The following SH3D19 variants were observed in gnomAD, a reference collection of about 807,000 sequenced individuals.
SH3D19 encodes SH3 domain containing 19, also known as SH3 domain-containing protein 19.
SH3D19 carries 58 observed loss-of-function variants against 112.1 expected under a neutral mutation model. The ratio of observed to expected loss-of-function variants is 0.52; its 90% CI spans 0.42 to 0.64. The LOEUF is 0.64. Among genes scored for constraint, SH3D19 ranks in the 30% least tolerant of loss-of-function variants. The probability of loss-of-function intolerance (pLI) is 0.00; values close to 1 mark genes in which losing one functional copy is unlikely to be tolerated. For missense variants in SH3D19, 1,090 were observed against 1,263.4 expected, an observed-to-expected ratio of 0.86 and a Z score of 2.08; for synonymous variants, 391 against 448.5, an observed-to-expected ratio of 0.87 and a Z score of 1.62.
intron 7 of SH3D19, among the ~76,000 whole-genome samples, chr4:151,167,176 C>A (rs909598431): frequency 1.7e-4 from 25 of 150,406 alleles, no homozygotes; most frequent in East Asian, 7.8e-4. Flanking sequence ...TCATCAAACT[C>A]AAAAAAAAAC....
At chr4:151,297,164 A>T (rs1775769081) in intron 1 of SH3D19, among the ~76,000 whole-genome samples, 1 of 152,242 alleles carries the variant, frequency 6.6e-6, no homozygotes, top group Admixed American at 6.5e-5. Context: ...TCGGCTATTA[A>T]TAATTGAGAA....
At chr4:151,286,302 CA>C (rs879791941) in intron 1 of SH3D19, among the ~76,000 whole-genome samples, 2 of 134,996 alleles carry the variant, frequency 1.5e-5, no homozygotes, top group African/African-American at 2.8e-5. Context: ...TAAACAAAAG[CA>C]AAAGTTGGTT....
chr4:151,262,812 G>A (rs150514362), intron 1 of SH3D19: 1 of 152,174 alleles, frequency 6.6e-6, no homozygotes, highest in African/African-American at 2.4e-5. Flanking sequence ...CAGTGGGCCT[G>A]GAATATACAC....
intron 1 of SH3D19, among the ~76,000 whole-genome samples, chr4:151,237,477 C>T (rs1243233475): frequency 6.6e-6 from 1 of 152,100 alleles, no homozygotes; most frequent in African/African-American, 2.4e-5. Context: ...ATAAATATTT[C>T]AGTATGACAA....
At chr4:151,286,184 GAAAAAA>G (rs56850648) in intron 1 of SH3D19, among the ~76,000 whole-genome samples, 1 of 86,628 alleles carries the variant, frequency 1.2e-5, no homozygotes, top group Non-Finnish European at 2.0e-5. Flanking sequence ...CTGTCTTAAA[GAAAAAA>G]AAAAAAAAAA....
intron 17 of SH3D19, among the ~76,000 whole-genome samples, chr4:151,130,727 G>A (rs1750478492): frequency 1.3e-5 from 2 of 152,056 alleles, no homozygotes; most frequent in Admixed American, 1.3e-4. Flanking sequence ...GGATCACGAG[G>A]TCAGGAGTTC....
At chr4:151,298,345 T>C (rs556643680) in intron 1 of SH3D19, among the ~76,000 whole-genome samples, 1 of 152,066 alleles carries the variant, frequency 6.6e-6, no homozygotes, top group East Asian at 1.9e-4. Flanking sequence ...GCCCAGCTAA[T>C]TTTTGTATTT....
In SH3D19 at chr4:151,317,727, A is replaced by G. The variant is rs369058640; in HGVS notation, c.112+7514T>C. ...AGTGGCTCACACCTATAATCCCAGC[A>G]CTATGGGAAGCCGAGGCAGGCACAT... On this transcript the variant is annotated intron_variant, in intron 1 of 19. Transcript: ENST00000604030. Among the ~76,000 whole-genome samples the G allele has an allele frequency of 1.6e-4, 24 of 152,352 alleles. No individual in the cohort carries two copies. In the South Asian group the frequency reaches 2.9e-3, roughly 18 times the overall value.
At chr4:151,224,032 G>A (rs1213303753) in intron 2 of SH3D19, among the ~76,000 whole-genome samples, 3 of 152,092 alleles carry the variant, frequency 2.0e-5, no homozygotes, top group South Asian at 2.1e-4. Flanking sequence ...GATCTAGGCC[G>A]GGCACGGTGG....
rs60600816 is a variant in SH3D19 at position 151,273,589 on chromosome 4, C to CAAAAAAAA, written c.113-47511_113-47504dup. ...TGGGCGACAGAGCGAGACTCCATCTCAAAAAAAAAAAAAAAAAAAAAAAAA... is the reference window on the plus strand; with the variant it reads ...TGGGCGACAGAGCGAGACTCCATCTCAAAAAAAAAAAAAAAAAAAAAAAAAAAAAAAAA... On this transcript the variant is annotated intron_variant, in intron 1 of 19. Transcript: ENST00000604030. 6.0e-3 allele frequency among the ~76,000 whole-genome samples: 388 copies of CAAAAAAAA among 64,540 alleles called. 15 individuals carry two copies. The highest frequency in any genetic ancestry group is 0.025 in the East Asian group (26 of 1,056). The allele number at this position is 64,540 out of a possible 152,430, so 42.3% of individuals were successfully genotyped here. A position where few individuals can be genotyped will look rare whatever the true frequency, so the allele number is the denominator to read the frequency against.
chr4:151,186,622 C>T (rs1026197658), intron 3 of SH3D19, among the ~76,000 whole-genome samples: 10 of 150,124 alleles, frequency 6.7e-5, no homozygotes, highest in Admixed American at 3.3e-4. Context: ...TTAGTAGAGA[C>T]GAGGTTTCAC....
chr4:151,279,240 A>T (rs1580387240), intron 1 of SH3D19: 8 of 207,226 alleles, frequency 3.9e-5, no homozygotes, highest in Non-Finnish European at 7.7e-5. Flanking sequence ...TTCTTTTTCA[A>T]TTTTTTTTTT....
chr4:151,147,894 C>T (rs777332969), intron 11 of SH3D19, 28 bp downstream of exon 11: 2 of 1,570,086 alleles, frequency 1.3e-6, no homozygotes, highest in Admixed American at 3.8e-5. Context: ...ACCTCTTGAC[C>T]ACAAACATTT....
intron 1 of SH3D19, among the ~76,000 whole-genome samples, chr4:151,227,430 T>C (rs905840170): frequency 6.6e-6 from 1 of 152,248 alleles, no homozygotes; most frequent in Admixed American, 6.5e-5. Context: ...TGCTTAGATA[T>C]AATGATTTCC....
intron 2 of SH3D19, among the ~76,000 whole-genome samples, chr4:151,193,270 G>T (rs2407422): frequency 0.81 from 117,437 of 144,348 alleles, 48,986 homozygotes; most frequent in Non-Finnish European, 0.94. Context: ...AAATAGGTTT[G>T]TTTTTTTTTT....
chr4:151,211,021 C>G (rs1184138491), intron 2 of SH3D19, among the ~76,000 whole-genome samples: 1 of 152,066 alleles, frequency 6.6e-6, no homozygotes, highest in Non-Finnish European at 1.5e-5. Flanking sequence ...GCCTGACTGT[C>G]TCTACTACAA....
chr4:151,262,540 C>T (rs1261350326), intron 1 of SH3D19, among the ~76,000 whole-genome samples: 1 of 152,212 alleles, frequency 6.6e-6, no homozygotes, highest in Non-Finnish European at 1.5e-5. Flanking sequence ...AGTGTGCTTC[C>T]TCCACTTCTC....
chr4:151,290,070 C>T lies in SH3D19; in HGVS notation c.112+35171G>A, dbSNP rs1335884296. Among the ~76,000 whole-genome samples the T allele has an allele frequency of 3.3e-5, 5 of 152,262 alleles. No homozygotes were observed. The East Asian group carries it at 5.8e-4, about 18-fold the overall frequency. ...AAGCAATACTTCTGCCTCAGCTTCC[C>T]GAGTGGTTGGGATGACAGGCATATG... On this transcript the variant is annotated intron_variant, in intron 1 of 19. Coordinates refer to ENST00000604030, the MANE Select transcript of SH3D19 (RefSeq NM_001378122.1).
intron 9 of SH3D19, among the ~76,000 whole-genome samples, chr4:151,158,961 C>G (rs1011561866): frequency 5.9e-5 from 9 of 151,974 alleles, no homozygotes; most frequent in African/African-American, 2.2e-4. Flanking sequence ...ATTTTAATAA[C>G]CTTCTCCTTA....
Sources: allele counts gnomAD v4.1 joint callset (sites outside exome capture counted in the v4.1 genomes callset), GRCh38; gene constraint gnomAD v4.1.1; transcripts MANE v1.5; gene names NCBI Gene and HGNC (gene_info 2026-07-23, HGNC 2026-07-21).